CTNNBIP1: variants seen among roughly 807,000 people sequenced by gnomAD.
The protein encoded by CTNNBIP1 is catenin beta interacting protein 1.
CTNNBIP1 carries 7 observed loss-of-function variants against 11.8 expected under a neutral mutation model. That is an observed-to-expected ratio of 0.60 (90% confidence interval 0.34 to 1.12). The LOEUF (loss-of-function observed/expected upper bound fraction) is 1.12. Among genes scored for constraint, CTNNBIP1 ranks in the 50% most tolerant of loss-of-function variants. The pLI, the probability that CTNNBIP1 is intolerant of heterozygous loss-of-function variation, is 0.03. For synonymous variants in CTNNBIP1, 58 were observed against 43.9 expected, an observed-to-expected ratio of 1.32 and a Z score of -1.26; for missense variants, 101 against 113.4, an observed-to-expected ratio of 0.89 and a Z score of 0.50.
At chr1:9,901,134 G>A (rs1359972758) in intron 1 of CTNNBIP1, among the ~76,000 whole-genome samples, 1 of 152,208 alleles carries the variant, frequency 6.6e-6, no homozygotes, top group Non-Finnish European at 1.5e-5. Context: ...TTACAGAGAA[G>A]CATTAAAATG....
At chr1:9,890,882 G>T (rs1225218098) in intron 1 of CTNNBIP1, among the ~76,000 whole-genome samples, 1 of 152,190 alleles carries the variant, frequency 6.6e-6, no homozygotes, top group Non-Finnish European at 1.5e-5. Context: ...TTGCATTTCT[G>T]TCAGGAAGGG....
chr1:9,886,137 T>A (rs1639183592), intron 1 of CTNNBIP1, among the ~76,000 whole-genome samples: 1 of 152,154 alleles, frequency 6.6e-6, no homozygotes. Context: ...TCTCGCCTCT[T>A]CTCTCCCAGC....
chr1:9,892,496 G>C (rs888832126), intron 1 of CTNNBIP1, among the ~76,000 whole-genome samples: 1 of 151,752 alleles, frequency 6.6e-6, no homozygotes, highest in South Asian at 2.1e-4. Context: ...GGGAGGCTGA[G>C]GTGGGAGGAT....
chr1:9,889,227 G>A (rs893607159), intron 1 of CTNNBIP1, among the ~76,000 whole-genome samples: 1 of 152,198 alleles, frequency 6.6e-6, no homozygotes, highest in African/African-American at 2.4e-5. Context: ...TGAGGCAGGC[G>A]GTCAGATCCA....
chr1:9,864,486 G>T (rs1050477513), intron 5 of CTNNBIP1, among the ~76,000 whole-genome samples: 2 of 152,194 alleles, frequency 1.3e-5, no homozygotes, highest in Non-Finnish European at 1.5e-5. Flanking sequence ...CCGCCACCAC[G>T]CCCGGCTAAT....
Position 9,871,356 on chromosome 1 carries a change from C to T in CTNNBIP1, c.97-79G>A, listed in dbSNP as rs1638857274. ...GCACCTGCACCCCTAGAGGCACCGC[C>T]TAGGCCTGCTTGGTCCCTGCTTGGT... On this transcript the variant is annotated intron_variant, in intron 4 of 5. Transcript: ENST00000377263. This position sits in a 1 kb window ranked among gnomAD's most constrained non-coding sequence, Gnocchi z 5.2. 9.3e-7 allele frequency: 1 copy of T among 1,075,770 alleles called. No homozygotes were observed. Among genetic ancestry groups the T allele is most frequent in the South Asian group, 1.3e-5 (1 of 74,438 alleles). 66.6% of individuals were successfully genotyped at this position (1,075,770 alleles called of 1,614,324 possible).
chr1:9,880,120 C>T (rs1478815524), intron 2 of CTNNBIP1, among the ~76,000 whole-genome samples: 3 of 152,050 alleles, frequency 2.0e-5, no homozygotes, highest in Non-Finnish European at 4.4e-5. Context: ...TAATGCTCTC[C>T]CTCCCCTTGC....
intron 1 of CTNNBIP1, among the ~76,000 whole-genome samples, chr1:9,888,501 G>A (rs1317805284): frequency 1.3e-5 from 2 of 151,658 alleles, no homozygotes; most frequent in South Asian, 2.1e-4. Context: ...GCAGTGAGCC[G>A]AGATCGCGCC....
chr1:9,873,987 C>A (rs1638915590), intron 3 of CTNNBIP1, among the ~76,000 whole-genome samples: 1 of 152,128 alleles, frequency 6.6e-6, no homozygotes, highest in African/African-American at 2.4e-5. Flanking sequence ...GATCCTCCCA[C>A]CTCATCCTCC....
intron 1 of CTNNBIP1, among the ~76,000 whole-genome samples, chr1:9,906,881 C>T (rs923057878): frequency 6.6e-6 from 1 of 152,214 alleles, no homozygotes; most frequent in African/African-American, 2.4e-5. Context: ...CTGATTCAGA[C>T]ACTGTGGACG....
chr1:9,873,318 C>T lies in CTNNBIP1; in HGVS notation c.-24-1230G>A, dbSNP rs1638903262. On this transcript the variant is annotated intron_variant, in intron 3 of 5. Coordinates refer to ENST00000377263, the MANE Select transcript of CTNNBIP1 (RefSeq NM_020248.3). Reference sequence around the variant, plus strand: ...GCTCCCCTTCCACCTCCTCCTGGGCCCAGAAAATGGCCTAAGTGATAACTG... The same window carrying T: ...GCTCCCCTTCCACCTCCTCCTGGGCTCAGAAAATGGCCTAAGTGATAACTG... Among the ~76,000 whole-genome samples the T allele has an allele frequency of 2.6e-5, 4 of 152,226 alleles. No individual in the cohort carries two copies. The South Asian group carries it at 8.3e-4, about 32-fold the overall frequency.
At chr1:9,884,770 C>T (rs572169992) in intron 1 of CTNNBIP1, among the ~76,000 whole-genome samples, 2 of 152,186 alleles carry the variant, frequency 1.3e-5, no homozygotes, top group South Asian at 4.1e-4. Flanking sequence ...GGGGCCAACC[C>T]GCGGGTGAGT....
At chr1:9,895,645 G>A (rs893785950) in intron 1 of CTNNBIP1, among the ~76,000 whole-genome samples, 3 of 151,148 alleles carry the variant, frequency 2.0e-5, no homozygotes, top group African/African-American at 4.9e-5. Flanking sequence ...ATAGGTGCAC[G>A]CCACCATGCC....
At chr1:9,866,692 A>G (rs1638754351) in intron 5 of CTNNBIP1, among the ~76,000 whole-genome samples, 1 of 152,030 alleles carries the variant, frequency 6.6e-6, no homozygotes, top group Admixed American at 6.6e-5. Context: ...AAAAAAAAAA[A>G]AAAGTCGAGT....
At chr1:9,868,911 C>T (rs376648685) in intron 5 of CTNNBIP1, among the ~76,000 whole-genome samples, 1 of 152,306 alleles carries the variant, frequency 6.6e-6, no homozygotes, top group South Asian at 2.1e-4. Context: ...GCTGGGATTA[C>T]AGGCATGAAC....
At chr1:9,886,701 A>G (rs1639193369) in intron 1 of CTNNBIP1, among the ~76,000 whole-genome samples, 1 of 152,176 alleles carries the variant, frequency 6.6e-6, no homozygotes, top group Admixed American at 6.5e-5. Flanking sequence ...GCTCTCCAGT[A>G]TACAAGTACC....
At chr1:9,906,085 C>A (rs529854117) in intron 1 of CTNNBIP1, among the ~76,000 whole-genome samples, 1 of 152,180 alleles carries the variant, frequency 6.6e-6, no homozygotes, top group South Asian at 2.1e-4. Context: ...TGAGTATCTA[C>A]TAGGTATTAC....
chr1:9,865,489 A>G lies in CTNNBIP1; in HGVS notation c.187+5698T>C, dbSNP rs542189928. On this transcript the variant is annotated intron_variant, in intron 5 of 5. Transcript: ENST00000377263. The stretch of plus-strand genomic sequence containing the variant: ...CGTGGTGGCGGGCGCCTGTAGTCCC[A>G]GCTACTCAGGAAGCTGAGGCAGGAG... Among the ~76,000 whole-genome samples the G allele has an allele frequency of 3.3e-5, 5 of 152,006 alleles. No homozygotes were observed. The South Asian group carries it at 8.3e-4, about 25-fold the overall frequency.
chr1:9,909,035 T>C (rs1570607699), intron 1 of CTNNBIP1, among the ~76,000 whole-genome samples: 1 of 152,240 alleles, frequency 6.6e-6, no homozygotes, highest in Non-Finnish European at 1.5e-5. Context: ...CTGGTATCTC[T>C]GGACATTTTA....
Sources: gnomAD v4.1 joint callset for allele counts (sites outside exome capture counted in the v4.1 genomes callset) on GRCh38, gnomAD v4.1.1 for gene constraint, Gnocchi (gnomAD v3.1) non-coding constraint, MANE v1.5 for transcripts, NCBI Gene and HGNC (gene_info 2026-07-23, HGNC 2026-07-21) for gene names.